The following CEP295 variants were observed in gnomAD, a reference collection of about 807,000 sequenced individuals.
CEP295 encodes centrosomal protein of 295 kDa.
Under a neutral mutation model 291.6 loss-of-function variants are expected in CEP295, and 190 were observed. The observed-to-expected ratio is 0.65, with a 90% CI of 0.58 to 0.73. The LOEUF (loss-of-function observed/expected upper bound fraction) is 0.73, where lower values mean the gene tolerates loss of function less well. CEP295 is among the 30% of genes least tolerant of loss of function. CEP295 has a pLI of 0.00. For missense variants in CEP295, 2,863 were observed against 2,949.4 expected, an observed-to-expected ratio of 0.97 and a Z score of 0.68; for synonymous variants, 993 against 1,038.8, an observed-to-expected ratio of 0.96 and a Z score of 0.85.
chr11:93,661,979 G>A (rs1590942164), intron 1 of CEP295, among the ~76,000 whole-genome samples: 4 of 152,322 alleles, frequency 2.6e-5, no homozygotes, highest in Admixed American at 2.0e-4. Flanking sequence ...GTCCGGACCA[G>A]ACCCGGTAAC....
At chr11:93,724,479 A>G in intron 22 of CEP295, 104 bp downstream of exon 22, 1 of 1,182,316 alleles carries the variant, frequency 8.5e-7, no homozygotes, top group Non-Finnish European at 1.2e-6. Flanking sequence ...CTAGAATCAC[A>G]TGGAAGTCTG....
chr11:93,697,416 T>A lies in CEP295; in HGVS notation c.2504T>A (p.Leu835Gln). ...AGCCAAATGCATGATAGGCCTTTGC[T>A]GCCGTCAGAGAATATCACAGCCCAG... ...IISQMHDRPL[L>Q]PSENITAQQG... The change falls in exon 15 of 30, where the codon CTG becomes CAG. Residue 835 changes from leucine (L) to glutamine (Q), a missense_variant. Leu to Gln is a moderately radical substitution (Grantham distance 113). This residue lies in a region of CEP295 where 2,295 missense variants were observed against 2,335.7 expected (regional missense o/e 0.98). Transcript: ENST00000325212. 6.4e-7 allele frequency: 1 copy of A among 1,552,230 alleles called. No homozygotes were observed. Among genetic ancestry groups the A allele is most frequent in the Non-Finnish European group, 8.7e-7 (1 of 1,147,098 alleles).
At chr11:93,728,858 A>G (rs969742830) in intron 25 of CEP295, 37 bp downstream of exon 25, 2 of 1,504,314 alleles carry the variant, frequency 1.3e-6, no homozygotes. Flanking sequence ...ATTCTATTAC[A>G]AGCAAACCAG....
intron 18 of CEP295, among the ~76,000 whole-genome samples, chr11:93,708,512 C>G (rs7952659): frequency 0.02 from 2,975 of 152,136 alleles, 104 homozygotes; most frequent in African/African-American, 0.068. Context: ...GAATTGTACT[C>G]CATTGTGATA....
chr11:93,727,214 T>G lies in CEP295; in HGVS notation c.6738T>G (p.Asn2246Lys), dbSNP rs1954215269. ...SSVYSSSDEANVFDQLNVQHS... is the reference protein window; with the variant it reads ...SSVYSSSDEAKVFDQLNVQHS... ...TCTACAGTTCATCTGATGAAGCTAA[T>G]GTATTTGATCAGTTAAATGTACAGC... The change falls in exon 24 of 30, where the codon AAT becomes AAG. Residue 2246 changes from asparagine (N) to lysine (K), a missense_variant. Coordinates refer to ENST00000325212, the MANE Select transcript of CEP295 (RefSeq NM_033395.2). The G allele has an allele frequency of 1.9e-6, 3 of 1,551,584 alleles. No homozygotes were observed. The highest frequency in any genetic ancestry group is 1.4e-5 in the African/African-American group (1 of 73,168).
chr11:93,698,921 C>G lies in CEP295; in HGVS notation c.4009C>G (p.Leu1337Val). 6.4e-7 allele frequency: 1 copy of G among 1,551,570 alleles called. No individual in the cohort carries two copies. The highest frequency in any genetic ancestry group is 8.7e-7 in the Non-Finnish European group (1 of 1,146,970). Residue 1337 changes from leucine to valine, a missense_variant, in exon 15 of 30, where the codon CTT becomes GTT. By Grantham distance (32) the Leu-to-Val change is conservative (BLOSUM62 1). Transcript: ENST00000325212. ...TCAGATCCCACAATTGCAGGATAGG[C>G]TTTTGAGGATATCGCAACTTATCCA... ...HLQIPQLQDR[L>V]LRISQLIQPQ... is the part of the protein sequence containing the mutation.
intron 5 of CEP295, among the ~76,000 whole-genome samples, chr11:93,671,271 T>C (rs566801832): frequency 6.6e-6 from 1 of 152,280 alleles, no homozygotes; most frequent in South Asian, 2.1e-4. Flanking sequence ...ATCAATGCCA[T>C]TGGTGGTAAA....
rs72974635 is a variant in CEP295 at position 93,681,860 on chromosome 11, G to T, written c.766-1699G>T. On this transcript the variant is annotated intron_variant, in intron 7 of 29. Transcript: ENST00000325212. ...CCAAGCCTGGCTGTTTTTTGTTTTT[G>T]TTTTTTTTTTTTAACCTCCCCTGCC... 9.9e-5 allele frequency among the ~76,000 whole-genome samples: 12 copies of T among 121,740 alleles called. No homozygotes were observed. In the East Asian group the frequency reaches 1.1e-3, roughly 11 times the overall value. The allele number at this position is 121,740 out of a possible 152,430, so 79.9% of individuals were successfully genotyped here. A position where few individuals can be genotyped will look rare whatever the true frequency, so the allele number is the denominator to read the frequency against.
At position 93,729,518 on chromosome 11, in the gene CEP295, A is replaced by G; in HGVS notation, c.7387A>G (p.Thr2463Ala). Residue 2463 changes from threonine to alanine, a missense_variant, in exon 26 of 30, where the codon ACA becomes GCA. Physicochemically the swap from Thr to Ala is moderately conservative, Grantham distance 58 (BLOSUM62 0). Transcript: ENST00000325212. ...VSELSIEKPR[T>A]ASTETPRRLT... is the part of the protein sequence containing the mutation. ...AGAACTTTCCATAGAAAAACCAAGGACAGCATCTACAGGTAAGCCTTGGAC... is the reference window on the plus strand; with the variant it reads ...AGAACTTTCCATAGAAAAACCAAGGGCAGCATCTACAGGTAAGCCTTGGAC... The G allele has an allele frequency of 6.4e-7, 1 of 1,551,542 alleles. No homozygotes were observed. Among genetic ancestry groups the G allele is most frequent in the East Asian group, 2.4e-5 (1 of 40,928 alleles).
At chr11:93,704,406 G>A (rs1230028039) in intron 17 of CEP295, among the ~76,000 whole-genome samples, 1 of 152,102 alleles carries the variant, frequency 6.6e-6, no homozygotes, top group Non-Finnish European at 1.5e-5. Context: ...TGGGAGGATC[G>A]AGACCAGCCT....
chr11:93,729,761 TTAAAGAGAAACCATCTA>T lies in CEP295; in HGVS notation c.7551_7567del (p.Glu2518PhefsTer11). On this transcript the variant is annotated frameshift_variant, in exon 27 of 30. Coordinates refer to ENST00000325212, the MANE Select transcript of CEP295 (RefSeq NM_033395.2). LOFTEE classifies it high-confidence loss of function. The stretch of plus-strand genomic sequence containing the variant: ...TCTGAAAATTCTCAAATCAAAACAG[TTAAAGAGAAACCATCTA>T]TAAGTATGTTGAATTTTTAAAATCT... The T allele has an allele frequency of 6.5e-7, 1 of 1,546,620 alleles. No homozygotes were observed. Among genetic ancestry groups the T allele is most frequent in the South Asian group, 1.2e-5 (1 of 83,380 alleles).
chr11:93,678,002 ATTTG>A (rs1950779283), intron 6 of CEP295, among the ~76,000 whole-genome samples: 1 of 152,106 alleles, frequency 6.6e-6, no homozygotes, highest in Admixed American at 6.6e-5. Flanking sequence ...TAAGAACAAA[ATTTG>A]TTTGTGGTCC....
chr11:93,686,727 A>T (rs1565449200), intron 9 of CEP295, among the ~76,000 whole-genome samples: 1 of 152,144 alleles, frequency 6.6e-6, no homozygotes, highest in Non-Finnish European at 1.5e-5. Context: ...TTAGGGGTGT[A>T]TTGACTGGGA....
chr11:93,702,670 A>G, intron 16 of CEP295, 33 bp downstream of exon 16: 1 of 1,531,002 alleles, frequency 6.5e-7, no homozygotes, highest in Non-Finnish European at 8.8e-7. Flanking sequence ...TAATTATTTC[A>G]CTGATTATTC....
At chr11:93,703,296 T>A (rs1952292014) in intron 17 of CEP295, among the ~76,000 whole-genome samples, 1 of 151,434 alleles carries the variant, frequency 6.6e-6, no homozygotes, top group African/African-American at 2.4e-5. Flanking sequence ...TGTTTTTTGT[T>A]AAACTTATAG....
rs1052712066 is a variant in CEP295 at position 93,699,150 on chromosome 11, C to T, written c.4238C>T (p.Ser1413Phe). 3 of 1,551,410 alleles carry T rather than the reference C, an allele frequency of 1.9e-6. No homozygotes were observed. In the African/African-American group the frequency reaches 4.1e-5, roughly 21 times the overall value. ...TTCGCCTCATTACCTCTTAATGAAT[C>T]TGAAAGAAACCAAGAACCATGTTCA... ...HSFASLPLNESERNQEPCSIN... is the reference protein window; with the variant it reads ...HSFASLPLNEFERNQEPCSIN... Residue 1413 changes from serine (S) to phenylalanine (F), a missense_variant, in exon 15 of 30, where the codon TCT (serine) becomes TTT (phenylalanine). Ser to Phe is a radical substitution (Grantham distance 155). Transcript: ENST00000325212.
chr11:93,661,967 G>C (rs978999165), intron 1 of CEP295, among the ~76,000 whole-genome samples, 193 bp downstream of exon 1: 2 of 152,216 alleles, frequency 1.3e-5, no homozygotes, highest in African/African-American at 4.8e-5. Context: ...GCTGTAAGGA[G>C]TGTCCGGACC....
intron 6 of CEP295, among the ~76,000 whole-genome samples, chr11:93,679,005 C>T (rs933483621): frequency 5.9e-5 from 9 of 152,048 alleles, no homozygotes; most frequent in Admixed American, 2.0e-4. Flanking sequence ...TATAGGTGCC[C>T]GCCACCATGC....
rs932439774 is a variant in CEP295, at chr11:93,728,513, T to G, written c.7162-168T>G. 9.6e-6 allele frequency: 5 copies of G among 522,326 alleles called. No individual in the cohort carries two copies. The East Asian group carries it at 1.7e-4, about 18-fold the overall frequency. The allele number at this position is 522,326 out of a possible 1,614,324, so 32.4% of individuals were successfully genotyped here. A position where few individuals can be genotyped will look rare whatever the true frequency, so the allele number is the denominator to read the frequency against. ...TTTCTACAACTGAATGCTGGAGTTA[T>G]GGAAGCCTAAGGAAATCTGATCTGT... On this transcript the variant is annotated intron_variant, in intron 24 of 29. Coordinates refer to ENST00000325212, the MANE Select transcript of CEP295 (RefSeq NM_033395.2).
Sources: allele counts gnomAD v4.1 joint callset (sites outside exome capture counted in the v4.1 genomes callset), GRCh38; gene constraint gnomAD v4.1.1; regional missense constraint gnomAD v4.1.1; transcripts MANE v1.5; gene names NCBI Gene and HGNC (gene_info 2026-07-23, HGNC 2026-07-21).